Variants in KCNH8 observed in about 807,000 individuals in gnomAD.
The protein encoded by KCNH8 is voltage-gated delayed rectifier potassium channel KCNH8.
A neutral mutation model predicts 103.6 loss-of-function variants in KCNH8; 70 were observed. The ratio of observed to expected loss-of-function variants is 0.68; its 90% CI spans 0.56 to 0.82. The LOEUF is 0.82. Ranked by LOEUF, KCNH8 falls within the 40% of genes least tolerant of loss-of-function variation. The pLI is 0.00. For synonymous variants in KCNH8, 498 were observed against 489.4 expected, an observed-to-expected ratio of 1.02 and a Z score of -0.23; for missense variants, 1,217 against 1,329.9, an observed-to-expected ratio of 0.92 and a Z score of 1.32.
chr3:19,223,681 AC>A (rs2125233223), intron 1 of KCNH8, among the ~76,000 whole-genome samples: 1 of 152,202 alleles, frequency 6.6e-6, no homozygotes, highest in South Asian at 2.1e-4. Flanking sequence ...GCTAGAGTGG[AC>A]CATTTCGGTG....
chr3:19,198,184 T>A (rs1352885974), intron 1 of KCNH8, among the ~76,000 whole-genome samples: 2 of 152,102 alleles, frequency 1.3e-5, no homozygotes, highest in African/African-American at 2.4e-5. Context: ...CTTCAGAGCA[T>A]TTAACACCCA....
At chr3:19,291,002 T>G (rs1291682432) in intron 3 of KCNH8, among the ~76,000 whole-genome samples, 1 of 152,110 alleles carries the variant, frequency 6.6e-6, no homozygotes, top group Non-Finnish European at 1.5e-5. Flanking sequence ...ATTTATCCAT[T>G]TCTTCCAGAT....
chr3:19,400,212 C>G (rs1259872334), intron 7 of KCNH8, among the ~76,000 whole-genome samples: 1 of 112,638 alleles, frequency 8.9e-6, no homozygotes, highest in Non-Finnish European at 1.6e-5. Context: ...ATACCCCTAC[C>G]AGATACGATG....
chr3:19,281,400 G>A, intron 3 of KCNH8, 71 bp downstream of exon 3: 1 of 1,407,888 alleles, frequency 7.1e-7, no homozygotes, highest in Non-Finnish European at 9.6e-7. Context: ...AAAACTCTTG[G>A]AGAAAAACAT....
chr3:19,417,329 G>A (rs2066879588), intron 7 of KCNH8, among the ~76,000 whole-genome samples: 1 of 151,106 alleles, frequency 6.6e-6, no homozygotes, highest in African/African-American at 2.4e-5. Context: ...ATTAATTTCT[G>A]CTGAAATAAT....
intron 5 of KCNH8, among the ~76,000 whole-genome samples, chr3:19,372,372 CA>C (rs2066113303): frequency 6.8e-6 from 1 of 146,650 alleles, no homozygotes; most frequent in South Asian, 2.3e-4. Flanking sequence ...CTCTTTGAAG[CA>C]ATTGTGAATG....
intron 3 of KCNH8, among the ~76,000 whole-genome samples, chr3:19,336,153 T>C (rs1411018030): frequency 6.6e-6 from 1 of 151,824 alleles, no homozygotes. Context: ...TTTTATATCA[T>C]GTATTTTGTA....
intron 5 of KCNH8, among the ~76,000 whole-genome samples, chr3:19,376,162 G>A (rs545775372): frequency 6.6e-6 from 1 of 152,242 alleles, no homozygotes; most frequent in Non-Finnish European, 1.5e-5. Flanking sequence ...GTTTACCTAA[G>A]CAAGCCTGGG....
intron 4 of KCNH8, among the ~76,000 whole-genome samples, chr3:19,343,725 C>G (rs1217695260): frequency 6.6e-6 from 1 of 152,048 alleles, no homozygotes; most frequent in Non-Finnish European, 1.5e-5. Flanking sequence ...CAAGGACTAC[C>G]TAATCCAACA....
intron 1 of KCNH8, among the ~76,000 whole-genome samples, chr3:19,173,811 A>C (rs1231474548): frequency 1.3e-5 from 2 of 152,094 alleles, no homozygotes; most frequent in South Asian, 2.1e-4. Context: ...CATATTCTAC[A>C]TCTTCACATT....
At chr3:19,341,161 T>C (rs1440213199) in intron 3 of KCNH8, among the ~76,000 whole-genome samples, 1 of 152,134 alleles carries the variant, frequency 6.6e-6, no homozygotes, top group East Asian at 1.9e-4. Flanking sequence ...GTGTGTTTAC[T>C]GAAGCTGTGC....
intron 1 of KCNH8, among the ~76,000 whole-genome samples, chr3:19,247,502 C>T (rs904363041): frequency 7.9e-5 from 12 of 152,138 alleles, no homozygotes; most frequent in Non-Finnish European, 1.3e-4. Context: ...ATTCTGAAAG[C>T]ATAGGGGGGC....
At chr3:19,218,018 C>A (rs2063834197) in intron 1 of KCNH8, among the ~76,000 whole-genome samples, 1 of 152,150 alleles carries the variant, frequency 6.6e-6, no homozygotes, top group South Asian at 2.1e-4. Flanking sequence ...ATTTGACTGA[C>A]TTAAACTGTT....
intron 5 of KCNH8, among the ~76,000 whole-genome samples, chr3:19,373,699 T>A (rs2066141432): frequency 2.0e-5 from 3 of 151,930 alleles, no homozygotes; most frequent in South Asian, 4.2e-4. Context: ...AATTGTGATG[T>A]TAGGGTGTCA....
At chr3:19,391,472 G>A (rs1240305976) in intron 6 of KCNH8, among the ~76,000 whole-genome samples, 4 of 151,878 alleles carry the variant, frequency 2.6e-5, no homozygotes, top group Admixed American at 2.6e-4. Context: ...AAATTAATCA[G>A]ATATTCTAGT....
At chr3:19,511,792 C>G (rs2068787550) in intron 12 of KCNH8, among the ~76,000 whole-genome samples, 1 of 152,060 alleles carries the variant, frequency 6.6e-6, no homozygotes, top group Non-Finnish European at 1.5e-5. Flanking sequence ...GATTAAAGTA[C>G]AAGAACTTCA....
intron 3 of KCNH8, among the ~76,000 whole-genome samples, chr3:19,299,428 G>C (rs533386976): frequency 1.3e-5 from 2 of 152,112 alleles, no homozygotes; most frequent in African/African-American, 4.8e-5. Flanking sequence ...CTGGAAGTTC[G>C]AGTACGGATT....
At chr3:19,449,176 T>C (rs1267944957) in intron 8 of KCNH8, among the ~76,000 whole-genome samples, 1 of 151,802 alleles carries the variant, frequency 6.6e-6, no homozygotes, top group East Asian at 1.9e-4. Context: ...TGAACAAAAT[T>C]GTTCATGTCA....
intron 3 of KCNH8, among the ~76,000 whole-genome samples, chr3:19,285,002 G>A (rs1182912874): frequency 2.6e-5 from 4 of 151,866 alleles, no homozygotes; most frequent in Non-Finnish European, 4.4e-5. Flanking sequence ...CCAGGTCCTC[G>A]ATGGTGGGGA....
Sources: gnomAD v4.1 joint callset for allele counts (sites outside exome capture counted in the v4.1 genomes callset) on GRCh38, gnomAD v4.1.1 for gene constraint, MANE v1.5 for transcripts, NCBI Gene and HGNC (gene_info 2026-07-23, HGNC 2026-07-21) for gene names.